ADARB2: variants seen among roughly 807,000 people sequenced by gnomAD.
ADARB2 encodes the protein adenosine deaminase RNA specific B2 (inactive).
ADARB2 carries 25 observed loss-of-function variants against 62.2 expected under a neutral mutation model. The ratio of observed to expected loss-of-function variants is 0.40; its 90% CI spans 0.29 to 0.56. The LOEUF (loss-of-function observed/expected upper bound fraction) is 0.56, where lower values mean the gene tolerates loss of function less well. Among genes scored for constraint, ADARB2 ranks in the 20% least tolerant of loss-of-function variants. The pLI, the probability that ADARB2 is intolerant of heterozygous loss-of-function variation, is 0.43. For missense variants in ADARB2, 1,071 were observed against 1,077.4 expected (o/e 0.99, Z 0.08); for synonymous variants, 572 against 500.8 (o/e 1.14, Z -1.90).
chr10:1,414,842 C>A (rs975250435), intron 1 of ADARB2, among the ~76,000 whole-genome samples: 2 of 152,162 alleles, frequency 1.3e-5, no homozygotes, highest in African/African-American at 4.8e-5. Flanking sequence ...AGAGAGACAG[C>A]TGGCTAGGTG....
At chr10:1,233,958 TA>T in intron 5 of ADARB2, 113 bp from the exon 6 acceptor site, 7 of 1,079,842 alleles carry the variant, frequency 6.5e-6, no homozygotes, top group South Asian at 4.1e-5. Flanking sequence ...TTTTCCTTTA[TA>T]TTTTTCCTTT....
intron 3 of ADARB2, among the ~76,000 whole-genome samples, chr10:1,321,794 G>A (rs116847603): frequency 0.025 from 3,797 of 152,308 alleles, 64 homozygotes; most frequent in Middle Eastern, 0.065. Flanking sequence ...GCATGGGTTG[G>A]TAAGCCCTGT....
chr10:1,228,337 G>A (rs376258208), intron 6 of ADARB2, among the ~76,000 whole-genome samples: 4 of 152,228 alleles, frequency 2.6e-5, no homozygotes, highest in African/African-American at 9.7e-5. Flanking sequence ...CAGGCAGGTC[G>A]TTGGTGGGTT....
intron 1 of ADARB2, among the ~76,000 whole-genome samples, chr10:1,412,070 C>T (rs975482771): frequency 2.0e-5 from 3 of 152,138 alleles, no homozygotes; most frequent in Non-Finnish European, 2.9e-5. Flanking sequence ...GCTTGTCTTC[C>T]GAGAAATTCT....
intron 1 of ADARB2, among the ~76,000 whole-genome samples, chr10:1,505,491 C>T (rs1361139322): frequency 1.3e-5 from 2 of 151,656 alleles, no homozygotes; most frequent in Admixed American, 1.3e-4. Context: ...TCTAAGGTGT[C>T]GTCTGACTCA....
intron 1 of ADARB2, among the ~76,000 whole-genome samples, chr10:1,550,179 C>T (rs568531770): frequency 1.8e-4 from 28 of 152,272 alleles, no homozygotes; most frequent in African/African-American, 5.3e-4. Flanking sequence ...GCAGGCTGCC[C>T]GGCCACCTGC....
intron 1 of ADARB2, among the ~76,000 whole-genome samples, chr10:1,460,838 C>T (rs1422659674): frequency 1.6e-5 from 2 of 127,102 alleles, no homozygotes; most frequent in African/African-American, 3.2e-5. Flanking sequence ...AGCAAACCTG[C>T]CTGTGACCTG....
intron 1 of ADARB2, among the ~76,000 whole-genome samples, chr10:1,400,217 C>T (rs1379323485): frequency 4.6e-5 from 7 of 152,214 alleles, no homozygotes; most frequent in Non-Finnish European, 8.8e-5. Flanking sequence ...CTGCGTGGGT[C>T]GGCAGAGCAG....
chr10:1,734,719 C>G (rs114923445), intron 1 of ADARB2, among the ~76,000 whole-genome samples: 209 of 152,276 alleles, frequency 1.4e-3, no homozygotes, highest in African/African-American at 4.9e-3. Context: ...CAGTTAGCAC[C>G]TAATAGAGCC....
chr10:1,234,991 C>A (rs570168417), intron 5 of ADARB2, among the ~76,000 whole-genome samples: 45 of 152,118 alleles, frequency 3.0e-4, no homozygotes, highest in Non-Finnish European at 5.7e-4. Flanking sequence ...AGGTGATCCA[C>A]CCGCCTTGGC....
At position 1,606,681 on chromosome 10, in the gene ADARB2, A is replaced by G. The variant is rs148059732; in HGVS notation, c.100+130370T>C. 5.9e-5 allele frequency among the ~76,000 whole-genome samples: 9 copies of G among 152,226 alleles called. No homozygotes were observed. The East Asian group carries it at 1.2e-3, about 20-fold the overall frequency. On this transcript the variant is annotated intron_variant, in intron 1 of 9. Transcript: ENST00000381312. ...CTAAGCAAGCAGGTTTAGCGGTAGT[A>G]GAAGGGACTCTATGGGAGTGTGGGT...
At chr10:1,573,718 C>T (rs1339447191) in intron 1 of ADARB2, among the ~76,000 whole-genome samples, 1 of 152,174 alleles carries the variant, frequency 6.6e-6, no homozygotes, top group Non-Finnish European at 1.5e-5. Flanking sequence ...TTCCATGCAG[C>T]AGGCACCCAG....
intron 1 of ADARB2, among the ~76,000 whole-genome samples, chr10:1,660,974 ACCAGAAACATG>A (rs1253966297): frequency 6.6e-6 from 1 of 152,134 alleles, no homozygotes; most frequent in Non-Finnish European, 1.5e-5. Flanking sequence ...CCCCCCTCTG[ACCAGAAACATG>A]CCAACCCTGA....
intron 1 of ADARB2, among the ~76,000 whole-genome samples, chr10:1,465,052 C>T (rs114474732): frequency 0.01 from 1,551 of 152,324 alleles, 19 homozygotes; most frequent in African/African-American, 0.035. Flanking sequence ...TGGGATGAAA[C>T]ACGACCCAGC....
intron 1 of ADARB2, among the ~76,000 whole-genome samples, chr10:1,729,667 G>T (rs769398757): frequency 6.6e-6 from 1 of 152,130 alleles, no homozygotes; most frequent in Non-Finnish European, 1.5e-5. Context: ...AGCGCCCTAG[G>T]TATATGCTTT....
intron 4 of ADARB2, among the ~76,000 whole-genome samples, 176 bp from the exon 5 acceptor site, chr10:1,242,475 C>A (rs1318384649): frequency 4.6e-5 from 7 of 152,248 alleles, no homozygotes; most frequent in Admixed American, 4.6e-4. Context: ...CGGGTGACCG[C>A]CCGCCTGAGG....
At chr10:1,333,125 A>T (rs944045533) in intron 3 of ADARB2, among the ~76,000 whole-genome samples, 1 of 152,236 alleles carries the variant, frequency 6.6e-6, no homozygotes, top group African/African-American at 2.4e-5. Context: ...TTCTTATTCA[A>T]TTGCCAAGAT....
chr10:1,721,673 A>G (rs1213860298), intron 1 of ADARB2, among the ~76,000 whole-genome samples: 1 of 152,230 alleles, frequency 6.6e-6, no homozygotes, highest in Non-Finnish European at 1.5e-5. Flanking sequence ...AAATGTACAG[A>G]GGGCCTTGTG....
chr10:1,531,538 C>T (rs796550984), intron 1 of ADARB2, among the ~76,000 whole-genome samples: 40 of 152,318 alleles, frequency 2.6e-4, no homozygotes, highest in African/African-American at 9.6e-4. Flanking sequence ...GTTACAGCCA[C>T]ACAGTAATAG....
Sources: gnomAD v4.1 joint callset for allele counts (sites outside exome capture counted in the v4.1 genomes callset) on GRCh38, gnomAD v4.1.1 for gene constraint, MANE v1.5 for transcripts, NCBI Gene and HGNC (gene_info 2026-07-23, HGNC 2026-07-21) for gene names.